Variants in MDGA2 observed in about 807,000 individuals in gnomAD.
The protein encoded by MDGA2 is MAM domain-containing glycosylphosphatidylinositol anchor protein 2.
In MDGA2, 40 loss-of-function variants were observed where a neutral mutation model predicts 117.8. That is an observed-to-expected ratio of 0.34 (90% confidence interval 0.26 to 0.44). The LOEUF (loss-of-function observed/expected upper bound fraction) is 0.44, where lower values mean the gene tolerates loss of function less well. MDGA2 is among the 20% of genes least tolerant of loss of function. The probability of loss-of-function intolerance (pLI) is 1.00; values close to 1 mark genes in which losing one functional copy is unlikely to be tolerated. For synonymous variants in MDGA2, 452 were observed against 439.0 expected (o/e 1.03, Z -0.37); for missense variants, 1,123 against 1,250.6 (o/e 0.90, Z 1.54).
At chr14:47,120,498 TA>T (rs368351234) in intron 5 of MDGA2, among the ~76,000 whole-genome samples, 261 of 152,300 alleles carry the variant, frequency 1.7e-3, no homozygotes, top group African/African-American at 5.9e-3. Context: ...AGCATATTAC[TA>T]AACAACTAGA....
chr14:47,057,646 CCCCTCCCCTCCCCTCCTT>C (rs1261767541), intron 7 of MDGA2, among the ~76,000 whole-genome samples: 4 of 135,268 alleles, frequency 3.0e-5, no homozygotes, highest in African/African-American at 1.1e-4. Flanking sequence ...CCCCTCCTTT[CCCCTCCCCTCCCCTCCTT>C]TCCCCTCCCT....
chr14:47,646,615 C>T (rs1232145327), intron 1 of MDGA2, among the ~76,000 whole-genome samples: 2 of 152,272 alleles, frequency 1.3e-5, no homozygotes, highest in East Asian at 3.9e-4. Flanking sequence ...GTGCATTCTT[C>T]ATTATGGTGT....
At chr14:46,975,762 C>T (rs575089745) in intron 8 of MDGA2, among the ~76,000 whole-genome samples, 2 of 152,080 alleles carry the variant, frequency 1.3e-5, no homozygotes, top group South Asian at 4.2e-4. Context: ...ATATTTATTT[C>T]TCAGAGTTCT....
At chr14:46,966,997 AT>A (rs1327593998) in intron 8 of MDGA2, among the ~76,000 whole-genome samples, 2 of 152,130 alleles carry the variant, frequency 1.3e-5, no homozygotes, top group Non-Finnish European at 2.9e-5. Flanking sequence ...TTGAAAAAAA[AT>A]GACAGTTTCA....
At position 47,532,489 on chromosome 14, in the gene MDGA2, G is replaced by A. The variant is rs529977894; in HGVS notation, c.280+142028C>T. ...ACTGTCATCTTAATAGTTACCCATA[G>A]GGCCATACCTCTAGCCCTGCTCTCT... On this transcript the variant is annotated intron_variant, in intron 1 of 16. Coordinates refer to ENST00000399232, the MANE Select transcript of MDGA2 (RefSeq NM_001113498.3). 3.9e-5 allele frequency among the ~76,000 whole-genome samples: 6 copies of A among 152,224 alleles called. No homozygotes were observed. In the East Asian group the frequency reaches 9.7e-4, roughly 25 times the overall value.
chr14:47,617,481 A>G (rs1393076653), intron 1 of MDGA2, among the ~76,000 whole-genome samples: 2 of 152,080 alleles, frequency 1.3e-5, no homozygotes, highest in Non-Finnish European at 2.9e-5. Flanking sequence ...TGGGATTACA[A>G]GTGTGAATCA....
chr14:47,118,772 C>T (rs1881465311), intron 5 of MDGA2, among the ~76,000 whole-genome samples: 1 of 152,152 alleles, frequency 6.6e-6, no homozygotes, highest in Admixed American at 6.5e-5. Context: ...CTCACTCTGT[C>T]GTTCAGTCTG....
At chr14:46,923,142 T>C (rs886381268) in intron 9 of MDGA2, among the ~76,000 whole-genome samples, 1 of 152,154 alleles carries the variant, frequency 6.6e-6, no homozygotes, top group Non-Finnish European at 1.5e-5. Flanking sequence ...ATTTTCAAGG[T>C]AGTAAAAAAT....
chr14:47,155,076 C>A (rs1566654144), intron 3 of MDGA2, among the ~76,000 whole-genome samples: 1 of 152,132 alleles, frequency 6.6e-6, no homozygotes, highest in Non-Finnish European at 1.5e-5. Context: ...TGTGGGTCTC[C>A]TCTCCACTGA....
At chr14:47,279,944 C>T (rs940841408) in intron 2 of MDGA2, among the ~76,000 whole-genome samples, 1 of 152,008 alleles carries the variant, frequency 6.6e-6, no homozygotes, top group African/African-American at 2.4e-5. Context: ...AATCATAGCT[C>T]TCTATCACCT....
intron 5 of MDGA2, among the ~76,000 whole-genome samples, chr14:47,102,757 T>C (rs781487359): frequency 2.6e-5 from 4 of 152,182 alleles, no homozygotes; most frequent in Non-Finnish European, 4.4e-5. Context: ...TTGGGAATTA[T>C]TCTCTGGGCC....
chr14:47,403,031 G>A (rs1892187345), intron 1 of MDGA2, among the ~76,000 whole-genome samples: 1 of 152,020 alleles, frequency 6.6e-6, no homozygotes, highest in Admixed American at 6.6e-5. Flanking sequence ...GCATTCTTAA[G>A]ATCTTTCCCA....
At chr14:47,426,860 A>G (rs1248940545) in intron 1 of MDGA2, among the ~76,000 whole-genome samples, 2 of 151,620 alleles carry the variant, frequency 1.3e-5, no homozygotes, top group Non-Finnish European at 2.9e-5. Context: ...AGGAGGCAGG[A>G]CATTTATAAT....
chr14:47,331,863 C>A (rs1594800627), intron 1 of MDGA2, among the ~76,000 whole-genome samples: 1 of 151,814 alleles, frequency 6.6e-6, no homozygotes, highest in Non-Finnish European at 1.5e-5. Context: ...AAAAACAGTC[C>A]TTTTCGATAA....
intron 1 of MDGA2, among the ~76,000 whole-genome samples, chr14:47,494,740 A>T (rs1238193915): frequency 6.6e-6 from 1 of 151,732 alleles, no homozygotes; most frequent in African/African-American, 2.4e-5. Context: ...TTTTCTGTAT[A>T]TGGTTATCCA....
intron 3 of MDGA2, among the ~76,000 whole-genome samples, chr14:47,213,111 C>A (rs113833208): frequency 3.5e-4 from 54 of 152,156 alleles, no homozygotes; most frequent in African/African-American, 1.3e-3. Context: ...AAAGTAGTAT[C>A]CTCAGCAAGG....
At chr14:47,055,432 T>C (rs760832799) in intron 7 of MDGA2, among the ~76,000 whole-genome samples, 23 of 152,098 alleles carry the variant, frequency 1.5e-4, no homozygotes, top group Non-Finnish European at 2.6e-4. Flanking sequence ...AGATGCTACC[T>C]GCTGCTCTAT....
At chr14:47,526,288 A>G (rs1483781220) in intron 1 of MDGA2, among the ~76,000 whole-genome samples, 5 of 152,198 alleles carry the variant, frequency 3.3e-5, no homozygotes, top group African/African-American at 1.2e-4. Flanking sequence ...TATAAATAGT[A>G]CACAAGATAT....
chr14:47,497,257 G>A (rs187076637), intron 1 of MDGA2, among the ~76,000 whole-genome samples: 113 of 152,214 alleles, frequency 7.4e-4, no homozygotes, highest in Non-Finnish European at 1.0e-3. Context: ...GATTTTCAAT[G>A]TTGAGTCTTT....
Sources: allele counts gnomAD v4.1 joint callset (sites outside exome capture counted in the v4.1 genomes callset), GRCh38; gene constraint gnomAD v4.1.1; transcripts MANE v1.5; gene names NCBI Gene and HGNC (gene_info 2026-07-23, HGNC 2026-07-21).